Variants in ASIC2 observed in about 807,000 individuals in gnomAD.
The protein encoded by ASIC2 is acid-sensing ion channel 2.
A neutral mutation model predicts 57.3 loss-of-function variants in ASIC2; 25 were observed. The ratio of observed to expected loss-of-function variants is 0.44; its 90% CI spans 0.32 to 0.61. The LOEUF is 0.61. Among genes scored for constraint, ASIC2 ranks in the 20% least tolerant of loss-of-function variants. The pLI is 0.06. For synonymous variants in ASIC2, 319 were observed against 307.5 expected (o/e 1.04, Z -0.39); for missense variants, 641 against 738.1 (o/e 0.87, Z 1.52).
intron 2 of ASIC2, among the ~76,000 whole-genome samples, chr17:33,090,683 A>G (rs988565821): frequency 6.6e-6 from 1 of 151,980 alleles, no homozygotes; most frequent in African/African-American, 2.4e-5. Flanking sequence ...CACAGAAGAG[A>G]GTCACTGGGA....
At chr17:33,259,417 C>T (rs1035164476) in intron 1 of ASIC2, among the ~76,000 whole-genome samples, 6 of 147,452 alleles carry the variant, frequency 4.1e-5, no homozygotes, top group African/African-American at 1.5e-4. Flanking sequence ...GATATCATTG[C>T]CTGGCATTCC....
intron 3 of ASIC2, among the ~76,000 whole-genome samples, chr17:33,054,736 AC>A (rs1445585063): frequency 1.3e-5 from 2 of 152,194 alleles, no homozygotes; most frequent in Admixed American, 6.5e-5. Flanking sequence ...TGGCTCATAA[AC>A]CATCACTCAG....
chr17:33,411,726 C>A lies in ASIC2; in HGVS notation c.556-299659G>T, dbSNP rs117445086. ...TTACAGAGTCAGGCTTAAGGACCAG[C>A]TTTACCATTGACTGACTGTGTGATT... On this transcript the variant is annotated intron_variant, in intron 1 of 9. Transcript: ENST00000359872. Among the ~76,000 whole-genome samples the A allele has an allele frequency of 8.6e-4, 131 of 152,300 alleles. 2 individuals carry two copies. The East Asian group carries it at 0.022, about 26-fold the overall frequency.
At chr17:33,825,008 A>C (rs900758457) in intron 1 of ASIC2, among the ~76,000 whole-genome samples, 6 of 152,140 alleles carry the variant, frequency 3.9e-5, no homozygotes, top group African/African-American at 1.4e-4. Flanking sequence ...ATACATGTGC[A>C]CGTCTCTCTC....
At chr17:33,218,362 G>A (rs573995636) in intron 1 of ASIC2, among the ~76,000 whole-genome samples, 3 of 152,148 alleles carry the variant, frequency 2.0e-5, no homozygotes, top group South Asian at 2.1e-4. Context: ...CCCTCTGACT[G>A]TTCTGCTCAG....
intron 1 of ASIC2, among the ~76,000 whole-genome samples, chr17:33,708,689 C>A (rs12938719): frequency 0.35 from 52,871 of 151,896 alleles, 10,827 homozygotes; most frequent in African/African-American, 0.58. Flanking sequence ...TCATCCAGCC[C>A]CAGCGTACCC....
intron 1 of ASIC2, among the ~76,000 whole-genome samples, chr17:33,882,141 T>C (rs1201777097): frequency 6.6e-6 from 1 of 152,200 alleles, no homozygotes; most frequent in Admixed American, 6.5e-5. Flanking sequence ...ATGTTAGACC[T>C]AAAACCATAA....
At chr17:33,133,857 T>A (rs757856225) in intron 1 of ASIC2, among the ~76,000 whole-genome samples, 12 of 152,198 alleles carry the variant, frequency 7.9e-5, no homozygotes, top group Non-Finnish European at 1.8e-4. Flanking sequence ...GAGACATCAA[T>A]GCAAGGACTT....
intron 1 of ASIC2, among the ~76,000 whole-genome samples, chr17:33,528,883 C>T (rs1007431808): frequency 7.9e-5 from 12 of 152,182 alleles, no homozygotes; most frequent in Non-Finnish European, 1.2e-4. Flanking sequence ...TTGTGAATTC[C>T]CTGGGCATCA....
At chr17:33,879,294 T>A (rs893136716) in intron 1 of ASIC2, among the ~76,000 whole-genome samples, 1 of 152,166 alleles carries the variant, frequency 6.6e-6, no homozygotes, top group African/African-American at 2.4e-5. Flanking sequence ...AATGCTCCAA[T>A]TAAAAGACAC....
chr17:33,547,340 A>G (rs1010779888), intron 1 of ASIC2, among the ~76,000 whole-genome samples: 2 of 152,204 alleles, frequency 1.3e-5, no homozygotes, highest in African/African-American at 4.8e-5. Context: ...TTGAGAATTT[A>G]TAGATTTTGG....
At chr17:33,987,542 C>A (rs1905862005) in intron 1 of ASIC2, among the ~76,000 whole-genome samples, 1 of 152,172 alleles carries the variant, frequency 6.6e-6, no homozygotes, top group Non-Finnish European at 1.5e-5. Flanking sequence ...ACCTGAGATG[C>A]AGAGGAGATG....
At chr17:34,058,451 C>T (rs1300568805) in intron 1 of ASIC2, among the ~76,000 whole-genome samples, 1 of 152,154 alleles carries the variant, frequency 6.6e-6, no homozygotes, top group Non-Finnish European at 1.5e-5. Flanking sequence ...GTCCTCATTC[C>T]CAGGATTACC....
chr17:33,882,560 G>A (rs1461726447), intron 1 of ASIC2, among the ~76,000 whole-genome samples: 2 of 152,196 alleles, frequency 1.3e-5, no homozygotes, highest in African/African-American at 2.4e-5. Context: ...ACCCCAATGA[G>A]ATACCATCTC....
At chr17:33,086,668 G>A (rs1405742041) in intron 3 of ASIC2, among the ~76,000 whole-genome samples, 1 of 152,092 alleles carries the variant, frequency 6.6e-6, no homozygotes. Context: ...AACAGCCCAA[G>A]GTCATATCCC....
At chr17:33,230,533 G>A (rs781070433) in intron 1 of ASIC2, among the ~76,000 whole-genome samples, 27 of 152,178 alleles carry the variant, frequency 1.8e-4, no homozygotes, top group Non-Finnish European at 3.4e-4. Flanking sequence ...TGAGGGGGCC[G>A]GACTTCCAGC....
intron 3 of ASIC2, among the ~76,000 whole-genome samples, chr17:33,057,487 T>A (rs2092002557): frequency 6.6e-6 from 1 of 152,226 alleles, no homozygotes; most frequent in South Asian, 2.1e-4. Context: ...CTGAACATGA[T>A]GGCTGGAAGC....
intron 1 of ASIC2, among the ~76,000 whole-genome samples, chr17:33,797,214 G>A (rs1412672364): frequency 6.6e-6 from 1 of 152,150 alleles, no homozygotes. Flanking sequence ...CACTTGAGCT[G>A]GGTCTTACAT....
At chr17:33,753,499 T>C (rs940483871) in intron 1 of ASIC2, among the ~76,000 whole-genome samples, 1 of 152,256 alleles carries the variant, frequency 6.6e-6, no homozygotes, top group African/African-American at 2.4e-5. Flanking sequence ...AAACTTCAGC[T>C]GAATTAAATT....
Sources: gnomAD v4.1 joint callset for allele counts (sites outside exome capture counted in the v4.1 genomes callset) on GRCh38, gnomAD v4.1.1 for gene constraint, MANE v1.5 for transcripts, NCBI Gene and HGNC (gene_info 2026-07-23, HGNC 2026-07-21) for gene names.